Variants in KIF11 observed in about 807,000 individuals in gnomAD.
KIF11 encodes kinesin family member 11, also known as kinesin-like protein KIF11.
In KIF11, 9 loss-of-function variants were observed where a neutral mutation model predicts 121.0. That is an observed-to-expected ratio of 0.07 (90% CI 0.04 to 0.13). The LOEUF (loss-of-function observed/expected upper bound fraction) is 0.13. Among genes scored for constraint, KIF11 ranks in the 10% least tolerant of loss-of-function variants. The pLI, the probability that KIF11 is intolerant of heterozygous loss-of-function variation, is 1.00. For missense variants in KIF11, 846 were observed against 1,217.5 expected (o/e 0.69, Z 4.54); for synonymous variants, 408 against 421.0 (o/e 0.97, Z 0.38).
At chr10:92,617,726 GT>G (rs1037233139) in intron 9 of KIF11, among the ~76,000 whole-genome samples, 10 of 149,072 alleles carry the variant, frequency 6.7e-5, no homozygotes, top group Non-Finnish European at 1.0e-4. Flanking sequence ...CTTCAGTACG[GT>G]TTTTTTGTTT....
At chr10:92,602,823 CACGTGTGTGTGTGT>C (rs745783668) in intron 1 of KIF11, among the ~76,000 whole-genome samples, 5 of 121,150 alleles carry the variant, frequency 4.1e-5, no homozygotes, top group South Asian at 3.2e-4. Flanking sequence ...CACACACACA[CACGTGTGTGTGTGT>C]GTGTGTGTGT....
Position 92,609,236 on chromosome 10 carries a change from T to A in KIF11, c.573+31T>A, listed in dbSNP as rs770047254. ...TCAGTCTTTGAGAATGAAATGTCTC[T>A]GAATTTTAATGTGTGAGGCTTTGAG... On this transcript the variant is annotated intron_variant, in intron 5 of 21. Coordinates refer to ENST00000260731, the MANE Select transcript of KIF11 (RefSeq NM_004523.4). 5.9e-6 allele frequency: 9 copies of A among 1,534,628 alleles called. 1 individual carries two copies. In the Admixed American group the frequency reaches 1.8e-4, roughly 31 times the overall value.
intron 10 of KIF11, among the ~76,000 whole-genome samples, chr10:92,626,290 G>T (rs1844675991): frequency 6.6e-6 from 1 of 152,138 alleles, no homozygotes; most frequent in South Asian, 2.1e-4. Flanking sequence ...TCTGATCTTC[G>T]ACAGAACATG....
chr10:92,607,876 C>T (rs374506947), intron 4 of KIF11, among the ~76,000 whole-genome samples: 3 of 151,772 alleles, frequency 2.0e-5, no homozygotes, highest in African/African-American at 4.8e-5. Flanking sequence ...GTTAATTGGT[C>T]GGGCACGGTG....
At chr10:92,597,571 C>G (rs925028558) in intron 1 of KIF11, among the ~76,000 whole-genome samples, 3 of 151,508 alleles carry the variant, frequency 2.0e-5, no homozygotes, top group African/African-American at 4.9e-5. Context: ...CCAGAGTTCT[C>G]TTTTTTTTAC....
intron 12 of KIF11, among the ~76,000 whole-genome samples, 170 bp downstream of exon 12, chr10:92,630,534 C>G (rs1362928442): frequency 2.0e-5 from 3 of 152,166 alleles, no homozygotes; most frequent in Non-Finnish European, 4.4e-5. Flanking sequence ...GAGATGTCGA[C>G]TTATGAAAAA....
Position 92,613,267 on chromosome 10 carries a change from G to T in KIF11, c.790-110G>T. The T allele has an allele frequency of 9.0e-7, 1 of 1,107,016 alleles. No homozygotes were observed. The highest frequency in any genetic ancestry group is 1.6e-5 in the South Asian group (1 of 60,610). 68.6% of individuals were successfully genotyped at this position (1,107,016 alleles called of 1,614,324 possible). A position where few individuals can be genotyped will look rare whatever the true frequency, so the allele number is the denominator to read the frequency against. ...TGGGAGAAGAAATTTGTTAATTACA[G>T]AAAAAATTATTTTGCTGGCGATTTA... On this transcript the variant is annotated intron_variant, in intron 7 of 21. Transcript: ENST00000260731. This position sits in a 1 kb window ranked among gnomAD's most constrained non-coding sequence, Gnocchi z 4.2.
rs200758925 is a variant in KIF11 at position 92,617,746 on chromosome 10, G to GTT, written c.1128+924_1128+925dup. On this transcript the variant is annotated intron_variant, in intron 9 of 21. Transcript: ENST00000260731. ...GTACGGTTTTTTTGTTTTTGTTTTTGTTTTTTTTTTTGAGATGAAGTCTCG... is the reference window on the plus strand; with the variant it reads ...GTACGGTTTTTTTGTTTTTGTTTTTGTTTTTTTTTTTTTGAGATGAAGTCTCG... 1.2e-3 allele frequency among the ~76,000 whole-genome samples: 180 copies of GTT among 144,218 alleles called. 3 individuals carry two copies. In the South Asian group the frequency reaches 0.021, roughly 17 times the overall value. The allele number at this position is 144,218 out of a possible 152,430, so 94.6% of individuals were successfully genotyped here.
intron 17 of KIF11, among the ~76,000 whole-genome samples, chr10:92,642,202 T>C (rs1459749821): frequency 6.6e-6 from 1 of 152,174 alleles, no homozygotes; most frequent in African/African-American, 2.4e-5. Context: ...TGATAAGTGA[T>C]TTCCTATTGT....
At chr10:92,601,809 T>G (rs1157675868) in intron 1 of KIF11, among the ~76,000 whole-genome samples, 1 of 152,076 alleles carries the variant, frequency 6.6e-6, no homozygotes, top group Admixed American at 6.6e-5. Context: ...CCCATAGTGC[T>G]GTGATTACAG....
chr10:92,619,033 T>C (rs1844591405), intron 9 of KIF11, among the ~76,000 whole-genome samples: 1 of 152,154 alleles, frequency 6.6e-6, no homozygotes, highest in Admixed American at 6.6e-5. Context: ...TTTATTTATT[T>C]TGAGATGGAG....
In KIF11 at chr10:92,630,331, T is replaced by A; in HGVS notation, c.1461T>A (p.Ser487Arg). ...KEEYITSALE[S>R]TEEKLHDAAS... ...AATATATCACATCAGCTTTGGAAAG[T>A]ACTGAGGAGAAACTTCATGATGCTG... Residue 487 changes from serine to arginine, a missense_variant, in exon 12 of 22, where the codon AGT becomes AGA. By Grantham distance (110) the Ser-to-Arg change is moderately radical. Around this residue, in one of 5 missense-constraint regions of KIF11, gnomAD observed 95 missense variants for 109.3 expected, o/e 0.87. Coordinates refer to ENST00000260731, the MANE Select transcript of KIF11 (RefSeq NM_004523.4). 1 of 1,591,260 alleles carries A rather than the reference T, an allele frequency of 6.3e-7. No homozygotes were observed. The highest frequency in any genetic ancestry group is 2.2e-5 in the East Asian group (1 of 44,450).
intron 8 of KIF11, among the ~76,000 whole-genome samples, chr10:92,615,194 A>C (rs1039919535): frequency 6.6e-6 from 1 of 151,852 alleles, no homozygotes; most frequent in African/African-American, 2.4e-5. Context: ...ATCTGAGCTC[A>C]GGAGTTCAAG....
chr10:92,649,950 A>T lies in KIF11; in HGVS notation c.2886A>T (p.Leu962=), dbSNP rs1844963022. 6.2e-7 allele frequency: 1 copy of T among 1,613,006 alleles called. No individual in the cohort carries two copies. Among genetic ancestry groups the T allele is most frequent in the African/African-American group, 1.3e-5 (1 of 75,042 alleles). The stretch of plus-strand genomic sequence containing the variant: ...AACAGCCTGAGCTGTTAATGATGCT[A>T]AACTGTTCAGAAAACAACAAAGAAG... ...KRKQPELLMM[L]NCSENNKEET... The change falls in exon 20 of 22, where the codon CTA becomes CTT. Residue 962 remains leucine, a synonymous_variant. Coordinates refer to ENST00000260731, the MANE Select transcript of KIF11 (RefSeq NM_004523.4).
chr10:92,637,081 A>T, intron 14 of KIF11, 103 bp from the exon 15 acceptor site: 1 of 838,140 alleles, frequency 1.2e-6, no homozygotes. Context: ...GTAAATTTTA[A>T]TGTGAATGTT....
At position 92,650,449 on chromosome 10, in the gene KIF11, C is replaced by T; in HGVS notation, c.2971C>T (p.Leu991=). Residue 991 remains leucine, a synonymous_variant, in exon 21 of 22, where the codon CTA becomes TTA. Transcript: ENST00000260731. ...TCTGGGGCAGTATACTGAAGAACCT[C>T]TAAGTCAAGAGCCATCTGTAGATGC... ...AVLGQYTEEP[L]SQEPSVDAGV... 1 of 1,613,872 alleles carries T rather than the reference C, an allele frequency of 6.2e-7. No individual in the cohort carries two copies. The highest frequency in any genetic ancestry group is 1.1e-5 in the South Asian group (1 of 91,072).
At chr10:92,637,053 AGAATG>A in intron 14 of KIF11, 126 bp from the exon 15 acceptor site, 1 of 659,208 alleles carries the variant, frequency 1.5e-6, no homozygotes, top group East Asian at 3.5e-5. Context: ...AAAAAAAAAA[AGAATG>A]GAGAATGGAA....
chr10:92,606,131 T>G, intron 1 of KIF11, 134 bp from the exon 2 acceptor site: 1 of 661,662 alleles, frequency 1.5e-6, no homozygotes. Context: ...TATCACTTAG[T>G]CCTGATTTAA....
chr10:92,593,525 G>A, intron 1 of KIF11, 73 bp downstream of exon 1: 1 of 1,321,456 alleles, frequency 7.6e-7, no homozygotes, highest in Non-Finnish European at 1.0e-6. Flanking sequence ...GGTCCAGGGA[G>A]AGGGATTTTA....
Sources: gnomAD v4.1 joint callset for allele counts (sites outside exome capture counted in the v4.1 genomes callset) on GRCh38, gnomAD v4.1.1 for gene constraint, gnomAD v4.1.1 regional missense constraint, Gnocchi (gnomAD v3.1) non-coding constraint, MANE v1.5 for transcripts, NCBI Gene and HGNC (gene_info 2026-07-23, HGNC 2026-07-21) for gene names.